The following KLF12 variants were observed in gnomAD, a reference collection of about 807,000 sequenced individuals.
KLF12 encodes the protein Krueppel-like factor 12.
A neutral mutation model predicts 37.8 loss-of-function variants in KLF12; 9 were observed. The observed-to-expected ratio is 0.24, with a 90% CI of 0.14 to 0.42. The LOEUF (loss-of-function observed/expected upper bound fraction) is 0.42, where lower values mean the gene tolerates loss of function less well. Among genes scored for constraint, KLF12 ranks in the 10% least tolerant of loss-of-function variants. The pLI, the probability that KLF12 is intolerant of heterozygous loss-of-function variation, is 1.00. For missense variants in KLF12, 411 were observed against 516.0 expected (o/e 0.80, Z 1.97); for synonymous variants, 208 against 202.1 (o/e 1.03, Z -0.25).
At chr13:74,109,928 G>A (rs1396058771) in intron 1 of KLF12, among the ~76,000 whole-genome samples, 1 of 152,108 alleles carries the variant, frequency 6.6e-6, no homozygotes, top group Non-Finnish European at 1.5e-5. Context: ...AATTAGGAAA[G>A]TCAAATGGAA....
chr13:74,009,678 C>G (rs1326726156), intron 1 of KLF12, among the ~76,000 whole-genome samples: 4 of 152,164 alleles, frequency 2.6e-5, no homozygotes, highest in Non-Finnish European at 4.4e-5. Flanking sequence ...CATGTATGGT[C>G]CTATAAGTAC....
chr13:74,208,410 G>A, the KLF12 span, among the ~76,000 whole-genome samples: 4 of 152,090 alleles, frequency 2.6e-5, no homozygotes, highest in Non-Finnish European at 5.9e-5. Context: ...ATTAAGGAAA[G>A]AAAAATATAG....
chr13:73,918,024 G>C (rs1466162033), intron 3 of KLF12, among the ~76,000 whole-genome samples: 1 of 151,702 alleles, frequency 6.6e-6, no homozygotes, highest in East Asian at 1.9e-4. Flanking sequence ...TAAATGCTTA[G>C]TCTGGTTATA....
chr13:74,042,207 G>A (rs761052019), intron 1 of KLF12, among the ~76,000 whole-genome samples: 21 of 151,736 alleles, frequency 1.4e-4, no homozygotes, highest in Admixed American at 3.9e-4. Flanking sequence ...AGGAGGATGA[G>A]GCAGGAGAAT....
chr13:74,151,061 C>T, the KLF12 span, among the ~76,000 whole-genome samples: 1 of 151,966 alleles, frequency 6.6e-6, no homozygotes, highest in Admixed American at 6.6e-5. Context: ...GTGCTCTGTC[C>T]CTGATTATTA....
intron 3 of KLF12, among the ~76,000 whole-genome samples, chr13:73,942,167 AT>A (rs1890217046): frequency 6.6e-6 from 1 of 152,336 alleles, no homozygotes; most frequent in East Asian, 1.9e-4. Context: ...ATTGTTAAAG[AT>A]TACCAAGACT....
the KLF12 span, among the ~76,000 whole-genome samples, chr13:74,237,260 G>A: frequency 6.0e-5 from 8 of 132,878 alleles, no homozygotes; most frequent in East Asian, 8.0e-4. Flanking sequence ...GTAGATATGC[G>A]GCGTTATTTC....
chr13:74,148,790 G>C, the KLF12 span, among the ~76,000 whole-genome samples: 2 of 151,896 alleles, frequency 1.3e-5, no homozygotes, highest in African/African-American at 4.8e-5. Context: ...TGTCAGTGTT[G>C]GAGTGTTCAT....
intron 1 of KLF12, among the ~76,000 whole-genome samples, chr13:74,126,140 CAT>C (rs555175405): frequency 5.9e-5 from 9 of 152,188 alleles, no homozygotes; most frequent in South Asian, 2.1e-4. Context: ...CTATACATGA[CAT>C]ATAAGTTGTA....
In KLF12 at chr13:73,798,159, A is replaced by AGCAAT. The variant is rs1489230524; in HGVS notation, c.806+14988_806+14992dup. ...AATTATTTTTGAGCTGACAGAAACG[A>AGCAAT]GCAATGGGGAAAAGACACCCTATTC... On this transcript the variant is annotated intron_variant, in intron 5 of 7. Transcript: ENST00000377669. Among the ~76,000 whole-genome samples the AGCAAT allele has an allele frequency of 9.8e-5, 15 of 152,330 alleles. No homozygotes were observed. The South Asian group carries it at 2.9e-3, about 29-fold the overall frequency.
At chr13:73,989,955 T>C (rs1891923711) in intron 2 of KLF12, among the ~76,000 whole-genome samples, 2 of 137,850 alleles carry the variant, frequency 1.5e-5, no homozygotes, top group Admixed American at 1.5e-4. Context: ...GGTACAAGTG[T>C]AAGTTCAGGA....
intron 6 of KLF12, among the ~76,000 whole-genome samples, chr13:73,763,688 C>T (rs536363337): frequency 6.6e-6 from 1 of 152,312 alleles, no homozygotes; most frequent in East Asian, 1.9e-4. Flanking sequence ...CAACTCTGTA[C>T]TCTACCCATT....
intron 2 of KLF12, among the ~76,000 whole-genome samples, chr13:73,971,960 A>C (rs1015806322): frequency 6.6e-6 from 1 of 152,210 alleles, no homozygotes; most frequent in Non-Finnish European, 1.5e-5. Flanking sequence ...TCACAAATTA[A>C]CCAGCTGTAC....
intron 2 of KLF12, among the ~76,000 whole-genome samples, chr13:73,951,300 G>C (rs1890637947): frequency 6.6e-6 from 1 of 152,146 alleles, no homozygotes; most frequent in South Asian, 2.1e-4. Context: ...GCAAAAAAGA[G>C]AAAGTTCTGT....
At chr13:73,920,633 C>T (rs943814545) in intron 3 of KLF12, among the ~76,000 whole-genome samples, 2 of 152,088 alleles carry the variant, frequency 1.3e-5, no homozygotes, top group Non-Finnish European at 2.9e-5. Flanking sequence ...TCCCTAGGCA[C>T]CCTTTCAAAG....
Position 73,835,604 on chromosome 13 carries a change from G to A in KLF12, c.670+10223C>T, listed in dbSNP as rs148307198. Among the ~76,000 whole-genome samples the A allele has an allele frequency of 9.9e-5, 15 of 152,148 alleles. No individual in the cohort carries two copies. The East Asian group carries it at 2.7e-3, about 27-fold the overall frequency. On this transcript the variant is annotated intron_variant, in intron 4 of 7. Coordinates refer to ENST00000377669, the MANE Select transcript of KLF12 (RefSeq NM_007249.5). Reference sequence around the variant, plus strand: ...GCAGAAAGGGCAAGGAAAAGGGAAGGGGCTGAGTGAAAGCAAGGAGAGATG... The same window carrying A: ...GCAGAAAGGGCAAGGAAAAGGGAAGAGGCTGAGTGAAAGCAAGGAGAGATG...
intron 5 of KLF12, among the ~76,000 whole-genome samples, chr13:73,793,622 T>C (rs186170376): frequency 1.3e-5 from 2 of 152,352 alleles, no homozygotes; most frequent in Admixed American, 1.3e-4. Flanking sequence ...GACTAGTATT[T>C]CTCACATGTA....
chr13:73,749,602 T>A (rs557775125), intron 6 of KLF12, among the ~76,000 whole-genome samples: 1 of 152,202 alleles, frequency 6.6e-6, no homozygotes, highest in South Asian at 2.1e-4. Context: ...CACTCAGCCA[T>A]GAAGAACTGC....
At chr13:74,036,628 T>C (rs1252784102) in intron 1 of KLF12, among the ~76,000 whole-genome samples, 2 of 152,216 alleles carry the variant, frequency 1.3e-5, no homozygotes, top group Non-Finnish European at 2.9e-5. Context: ...TTTTTCTTGC[T>C]GGCTTCTGCC....
Sources: allele counts gnomAD v4.1 joint callset (sites outside exome capture counted in the v4.1 genomes callset), GRCh38; gene constraint gnomAD v4.1.1; transcripts MANE v1.5; gene names NCBI Gene and HGNC (gene_info 2026-07-23, HGNC 2026-07-21).